The following SPINT2 variants were observed in gnomAD, a reference collection of about 807,000 sequenced individuals.
SPINT2 encodes the protein serine peptidase inhibitor, Kunitz type 2.
In SPINT2, 18 loss-of-function variants were observed where a neutral mutation model predicts 30.1. The ratio of observed to expected loss-of-function variants is 0.60; its 90% CI spans 0.41 to 0.89. The LOEUF (loss-of-function observed/expected upper bound fraction) is 0.89, where lower values mean the gene tolerates loss of function less well. Ranked by LOEUF, SPINT2 falls within the 40% of genes least tolerant of loss-of-function variation. The pLI, the probability that SPINT2 is intolerant of heterozygous loss-of-function variation, is 0.00. For synonymous variants in SPINT2, 139 were observed against 137.9 expected (o/e 1.01, Z -0.05); for missense variants, 276 against 334.3 (o/e 0.83, Z 1.36).
Position 38,292,210 on chromosome 19 carries a change from T to C in SPINT2, c.*204T>C. 1.6e-6 allele frequency: 1 copy of C among 628,174 alleles called. No homozygotes were observed. Among genetic ancestry groups the C allele is most frequent in the South Asian group, 1.9e-5 (1 of 51,504 alleles). The allele number at this position is 628,174 out of a possible 1,614,324, so 38.9% of individuals were successfully genotyped here. On this transcript the variant is annotated 3_prime_UTR_variant, in exon 7 of 7. Transcript: ENST00000301244. ...GCTCCTCCTCGCATGGCCTGCAGTCTGGCAGCAGCCCCGAGTTGTTTCCTC... is the reference window on the plus strand; with the variant it reads ...GCTCCTCCTCGCATGGCCTGCAGTCCGGCAGCAGCCCCGAGTTGTTTCCTC...
chr19:38,265,224 C>T lies in SPINT2; in HGVS notation c.106+226C>T, dbSNP rs3786870. ...GAGCGAGGGTTAGGAGAGTTTCCTT[C>T]GGGTGGAGGAAGAGTCAAGGGGTAT... On this transcript the variant is annotated intron_variant, in intron 1 of 6. Transcript: ENST00000301244. 115,777 of 482,664 alleles carry T rather than the reference C, an allele frequency of 0.24. 14,538 individuals carry two copies. Among genetic ancestry groups the T allele is most frequent in the Admixed American group, 0.31 (9,048 of 29,076 alleles). 29.9% of individuals were successfully genotyped at this position (482,664 alleles called of 1,614,324 possible).
At chr19:38,275,190 C>A (rs868347321) in intron 1 of SPINT2, among the ~76,000 whole-genome samples, 1 of 152,200 alleles carries the variant, frequency 6.6e-6, no homozygotes. Context: ...CTTAGAAATT[C>A]TTTTGCACAG....
At chr19:38,291,492 T>G (rs1968717954) in intron 6 of SPINT2, 1 of 284,978 alleles carries the variant, frequency 3.5e-6, no homozygotes, top group African/African-American at 2.2e-5. Flanking sequence ...GTGCTAAGTG[T>G]TTTTTACACC....
chr19:38,286,439 A>G (rs912494162), intron 2 of SPINT2, among the ~76,000 whole-genome samples: 4 of 152,218 alleles, frequency 2.6e-5, no homozygotes, highest in African/African-American at 9.6e-5. Context: ...CGGAGGAGCC[A>G]GGGTTCCCTC....
At chr19:38,286,309 A>C (rs970938960) in intron 2 of SPINT2, among the ~76,000 whole-genome samples, 2 of 152,186 alleles carry the variant, frequency 1.3e-5, no homozygotes, top group African/African-American at 2.4e-5. Flanking sequence ...TTTAGTCCGC[A>C]TAGGCAAGTC....
At chr19:38,268,766 C>CGTGTGTGTGTGTGTGT (rs10526704) in intron 1 of SPINT2, among the ~76,000 whole-genome samples, 104 of 149,920 alleles carry the variant, frequency 6.9e-4, no homozygotes, top group African/African-American at 2.5e-3. Flanking sequence ...TGCGCGCGCG[C>CGTGTGTGTGTGTGTGT]GTGTGTGTGT....
chr19:38,268,358 C>T (rs1290102267), intron 1 of SPINT2, among the ~76,000 whole-genome samples: 2 of 152,160 alleles, frequency 1.3e-5, no homozygotes, highest in Non-Finnish European at 2.9e-5. Context: ...GAGTGGAAAG[C>T]ACGCAGAGAT....
Position 38,264,959 on chromosome 19 carries a change from T to C in SPINT2, c.67T>C (p.Ser23Pro). The C allele has an allele frequency of 6.5e-7, 1 of 1,536,088 alleles. No homozygotes were observed. The highest frequency in any genetic ancestry group is 2.4e-5 in the East Asian group (1 of 40,862). Residue 23 changes from serine (S) to proline (P), a missense_variant, in exon 1 of 7, where the codon TCT becomes CCT. Ser to Pro is a moderately conservative substitution (Grantham distance 74). Transcript: ENST00000301244. ...CGCCCTGCTGGGATCGCTGCTCCTC[T>C]CTGGGGTCCTGGCGGCCGACCGAGA... ...FLALLGSLLL[S>P]GVLAADRERS...
rs956058595 is a variant in SPINT2 at position 38,283,942 on chromosome 19, C to T, written c.277+145C>T. 2.0e-5 allele frequency: 18 copies of T among 920,210 alleles called. No homozygotes were observed. In the South Asian group the frequency reaches 2.1e-4, roughly 11 times the overall value. 57.0% of individuals were successfully genotyped at this position (920,210 alleles called of 1,614,324 possible). A position where few individuals can be genotyped will look rare whatever the true frequency, so the allele number is the denominator to read the frequency against. On this transcript the variant is annotated intron_variant, in intron 2 of 6. Coordinates refer to ENST00000301244, the MANE Select transcript of SPINT2 (RefSeq NM_021102.4). ...CTGCAAGCTCCGCCTCCCGGGTTCA[C>T]GCCATTCTCCTGCTTCAGCCTCCTG...
Position 38,265,008 on chromosome 19 carries a change from G to C in SPINT2, c.106+10G>C, listed in dbSNP as rs1457211072. On this transcript the variant is annotated intron_variant, in intron 1 of 6. Coordinates refer to ENST00000301244, the MANE Select transcript of SPINT2 (RefSeq NM_021102.4). ...GAACGCAGCATCCACGGTGAGGGCC[G>C]GGCGGGTAGGCTGGAGGCGGGGCGC... The C allele has an allele frequency of 2.4e-5, 37 of 1,529,756 alleles. No individual in the cohort carries two copies. The highest frequency in any genetic ancestry group is 3.2e-5 in the Non-Finnish European group (37 of 1,142,424). 94.8% of individuals were successfully genotyped at this position (1,529,756 alleles called of 1,614,324 possible).
intron 1 of SPINT2, among the ~76,000 whole-genome samples, chr19:38,271,375 C>T (rs1968454185): frequency 6.6e-6 from 1 of 151,902 alleles, no homozygotes; most frequent in African/African-American, 2.4e-5. Flanking sequence ...GCCTATAGTC[C>T]CAGCTATCTG....
intron 1 of SPINT2, among the ~76,000 whole-genome samples, chr19:38,273,601 CATTT>C (rs1968481184): frequency 6.6e-6 from 1 of 152,158 alleles, no homozygotes. Flanking sequence ...TGTGTTGCTT[CATTT>C]GTTTTGGTAT....
intron 1 of SPINT2, among the ~76,000 whole-genome samples, chr19:38,271,615 C>T (rs1245265612): frequency 2.0e-5 from 3 of 151,934 alleles, no homozygotes; most frequent in Admixed American, 6.6e-5. Flanking sequence ...GGGTGGATCA[C>T]GAGATCAGGA....
At chr19:38,289,359 C>CTG in intron 4 of SPINT2, 168 bp downstream of exon 4, 1 of 580,006 alleles carries the variant, frequency 1.7e-6, no homozygotes, top group African/African-American at 1.9e-5. Flanking sequence ...TGGCATGCAC[C>CTG]TGTAGTCCCA....
chr19:38,280,872 T>C (rs76669970), intron 1 of SPINT2, among the ~76,000 whole-genome samples: 1,969 of 152,322 alleles, frequency 0.013, 21 homozygotes, highest in South Asian at 0.028. Flanking sequence ...GTGTACAATA[T>C]TCCCCTGAAG....
Position 38,292,128 on chromosome 19 carries a change from A to G in SPINT2, c.*122A>G. On this transcript the variant is annotated 3_prime_UTR_variant, in exon 7 of 7. Coordinates refer to ENST00000301244, the MANE Select transcript of SPINT2 (RefSeq NM_021102.4). ...GCTGAGGTCTGTTTCTCTGGGAGGTAGGACGGCTGCTTCCTGGTCTGGCAG... is the reference window on the plus strand; with the variant it reads ...GCTGAGGTCTGTTTCTCTGGGAGGTGGGACGGCTGCTTCCTGGTCTGGCAG... 1 of 1,389,508 alleles carries G rather than the reference A, an allele frequency of 7.2e-7. No homozygotes were observed. The highest frequency in any genetic ancestry group is 9.8e-7 in the Non-Finnish European group (1 of 1,016,260). The allele number at this position is 1,389,508 out of a possible 1,614,324, so 86.1% of individuals were successfully genotyped here. A position where few individuals can be genotyped will look rare whatever the true frequency, so the allele number is the denominator to read the frequency against.
At chr19:38,265,083 C>A in intron 1 of SPINT2, 85 bp downstream of exon 1, 3 of 836,008 alleles carry the variant, frequency 3.6e-6, no homozygotes, top group Non-Finnish European at 3.1e-6. Flanking sequence ...GGAGAACTGG[C>A]GGGGGAGGAA....
intron 1 of SPINT2, among the ~76,000 whole-genome samples, chr19:38,273,334 G>A (rs1968478302): frequency 6.6e-6 from 1 of 152,166 alleles, no homozygotes; most frequent in Admixed American, 6.5e-5. Context: ...AAATAAGGCT[G>A]ATTACACAGT....
At chr19:38,276,514 C>T (rs975985705) in intron 1 of SPINT2, among the ~76,000 whole-genome samples, 14 of 151,860 alleles carry the variant, frequency 9.2e-5, no homozygotes, top group Non-Finnish European at 1.0e-4. Flanking sequence ...TGGTGGCGGG[C>T]GCCTGTAGTC....
Sources: allele counts gnomAD v4.1 joint callset (sites outside exome capture counted in the v4.1 genomes callset), GRCh38; gene constraint gnomAD v4.1.1; transcripts MANE v1.5; gene names NCBI Gene and HGNC (gene_info 2026-07-23, HGNC 2026-07-21).